Variants in CAMK1D observed in about 807,000 individuals in gnomAD.
CAMK1D encodes calcium/calmodulin dependent protein kinase ID, also known as calcium/calmodulin-dependent protein kinase type 1D.
In CAMK1D, 9 loss-of-function variants were observed where a neutral mutation model predicts 47.7. The ratio of observed to expected loss-of-function variants is 0.19; its 90% CI spans 0.11 to 0.33. The LOEUF (loss-of-function observed/expected upper bound fraction) is 0.33, where lower values mean the gene tolerates loss of function less well. Among genes scored for constraint, CAMK1D ranks in the 10% least tolerant of loss-of-function variants. The probability of loss-of-function intolerance (pLI) is 1.00; values close to 1 mark genes in which losing one functional copy is unlikely to be tolerated. For missense variants in CAMK1D, 291 were observed against 488.7 expected, an observed-to-expected ratio of 0.60 and a Z score of 3.81; for synonymous variants, 184 against 184.9, an observed-to-expected ratio of 0.99 and a Z score of 0.04.
Position 12,658,455 on chromosome 10 carries a change from G to A in CAMK1D, c.225-8281G>A, listed in dbSNP as rs187927859. Reference sequence around the variant, plus strand: ...GGGGGCAGGGAAGTGCTTGGGAAAGGGAAAGTCATGGTCCATGCCTAGTGC... The same window carrying A: ...GGGGGCAGGGAAGTGCTTGGGAAAGAGAAAGTCATGGTCCATGCCTAGTGC... On this transcript the variant is annotated intron_variant, in intron 2 of 10. Transcript: ENST00000619168. Among the ~76,000 whole-genome samples the A allele has an allele frequency of 3.9e-3, 588 of 152,146 alleles. 7 individuals carry two copies. The highest frequency in any genetic ancestry group is 0.013 in the African/African-American group (542 of 41,492).
rs951761625 is a variant in CAMK1D, at chr10:12,364,241, T to C, written c.92+14331T>C. Among the ~76,000 whole-genome samples, 169 of 142,234 alleles carry C rather than the reference T, an allele frequency of 1.2e-3. 2 individuals are homozygous for C. The highest frequency in any genetic ancestry group is 4.0e-3 in the African/African-American group (154 of 38,376). 93.3% of individuals were successfully genotyped at this position (142,234 alleles called of 152,430 possible). A position where few individuals can be genotyped will look rare whatever the true frequency, so the allele number is the denominator to read the frequency against. On this transcript the variant is annotated intron_variant, in intron 1 of 10. Transcript: ENST00000619168. ...CTTGACTCCAATGCGCATTCTCTTT[T>C]TTTTTTTTTTTTTTTTTTGAGATGG...
intron 3 of CAMK1D, among the ~76,000 whole-genome samples, chr10:12,699,786 C>T (rs1435820661): frequency 2.0e-5 from 3 of 152,114 alleles, no homozygotes; most frequent in African/African-American, 7.2e-5. Context: ...GGGGCATTGT[C>T]CACATAAACT....
At chr10:12,417,569 G>A (rs1377182034) in intron 1 of CAMK1D, among the ~76,000 whole-genome samples, 2 of 152,158 alleles carry the variant, frequency 1.3e-5, no homozygotes, top group East Asian at 1.9e-4. Flanking sequence ...TTGGCCCTGG[G>A]CTGTTGGCCT....
Position 12,354,431 on chromosome 10 carries a change from CTT to C in CAMK1D, c.92+4533_92+4534del, listed in dbSNP as rs1011144147. Among the ~76,000 whole-genome samples, 227 of 142,930 alleles carry C rather than the reference CTT, an allele frequency of 1.6e-3. 3 individuals carry two copies. The highest frequency in any genetic ancestry group is 4.6e-3 in the Admixed American group (65 of 14,228). The allele number at this position is 142,930 out of a possible 152,430, so 93.8% of individuals were successfully genotyped here. On this transcript the variant is annotated intron_variant, in intron 1 of 10. Coordinates refer to ENST00000619168, the MANE Select transcript of CAMK1D (RefSeq NM_153498.4). ...ACATGAGATAATTTTCTTTTCTTTTCTTTTTTTTTTTTTGAGATAGAGTCTTG... is the reference window on the plus strand; with the variant it reads ...ACATGAGATAATTTTCTTTTCTTTTCTTTTTTTTTTTGAGATAGAGTCTTG...
chr10:12,799,375 C>G (rs372356559), intron 6 of CAMK1D, among the ~76,000 whole-genome samples: 3 of 151,680 alleles, frequency 2.0e-5, no homozygotes, highest in East Asian at 3.9e-4. Flanking sequence ...TATGCAGATG[C>G]GTAACTGCTT....
chr10:12,769,162 G>T (rs2130929321), intron 4 of CAMK1D, among the ~76,000 whole-genome samples: 1 of 152,278 alleles, frequency 6.6e-6, no homozygotes, highest in East Asian at 1.9e-4. Context: ...TGCTTTCCTG[G>T]CAGGGGAGCG....
intron 3 of CAMK1D, among the ~76,000 whole-genome samples, chr10:12,744,745 A>T (rs1231216879): frequency 4.2e-5 from 5 of 119,132 alleles, no homozygotes; most frequent in African/African-American, 3.2e-4. Flanking sequence ...AAAATTAAAA[A>T]AAAAAAAAAG....
chr10:12,727,229 C>G (rs1309745144), intron 3 of CAMK1D, among the ~76,000 whole-genome samples: 2 of 152,188 alleles, frequency 1.3e-5, no homozygotes, highest in Non-Finnish European at 2.9e-5. Flanking sequence ...CTTCTGAAGA[C>G]TTTTTAAAAC....
At chr10:12,682,575 T>C (rs868242086) in intron 3 of CAMK1D, among the ~76,000 whole-genome samples, 2 of 152,184 alleles carry the variant, frequency 1.3e-5, no homozygotes, top group African/African-American at 4.8e-5. Context: ...ATTGCAGCAG[T>C]TGTAGAGAGA....
intron 8 of CAMK1D, among the ~76,000 whole-genome samples, chr10:12,818,831 G>A (rs1396421595): frequency 2.0e-5 from 3 of 152,224 alleles, no homozygotes; most frequent in African/African-American, 7.2e-5. Context: ...GCTTGGGGGA[G>A]AAGGAAAGAA....
chr10:12,726,666 A>T (rs1834655773), intron 3 of CAMK1D, among the ~76,000 whole-genome samples: 2 of 152,222 alleles, frequency 1.3e-5, no homozygotes, highest in African/African-American at 4.8e-5. Context: ...AGAATTCATT[A>T]AATTCTCACA....
chr10:12,676,413 C>G (rs1280143178), intron 3 of CAMK1D, among the ~76,000 whole-genome samples: 2 of 152,208 alleles, frequency 1.3e-5, no homozygotes, highest in Non-Finnish European at 2.9e-5. Flanking sequence ...ATCCCTCTCC[C>G]CAACTTTCTT....
chr10:12,438,466 T>G (rs2132006149), intron 1 of CAMK1D, among the ~76,000 whole-genome samples: 1 of 152,344 alleles, frequency 6.6e-6, no homozygotes, highest in South Asian at 2.1e-4. Context: ...TTAAGAAGAT[T>G]CTAAGAAAAC....
At chr10:12,801,354 TTATCTATCTATC>T (rs56165416) in intron 6 of CAMK1D, among the ~76,000 whole-genome samples, 5 of 66,490 alleles carry the variant, frequency 7.5e-5, no homozygotes, top group African/African-American at 2.9e-4. Context: ...TCTATCTATC[TTATCTATCTATC>T]TATCTATCTA....
chr10:12,500,272 CACAAA>C (rs1834661116), intron 1 of CAMK1D, among the ~76,000 whole-genome samples: 1 of 152,210 alleles, frequency 6.6e-6, no homozygotes, highest in East Asian at 1.9e-4. Flanking sequence ...GTTTCAAAAA[CACAAA>C]ACAAAAACAA....
intron 2 of CAMK1D, among the ~76,000 whole-genome samples, chr10:12,644,156 G>A (rs1421093740): frequency 6.6e-6 from 1 of 152,176 alleles, no homozygotes; most frequent in Non-Finnish European, 1.5e-5. Flanking sequence ...ACCAGTTTCT[G>A]ATCCCAGAAA....
intron 2 of CAMK1D, among the ~76,000 whole-genome samples, chr10:12,590,675 A>G (rs999959479): frequency 2.6e-5 from 4 of 152,264 alleles, no homozygotes; most frequent in African/African-American, 9.6e-5. Context: ...AATGAATTAT[A>G]TGTATCTAAC....
At chr10:12,744,345 A>G (rs1033546396) in intron 3 of CAMK1D, among the ~76,000 whole-genome samples, 2 of 152,180 alleles carry the variant, frequency 1.3e-5, no homozygotes, top group Non-Finnish European at 2.9e-5. Flanking sequence ...ATACCTAAGG[A>G]ATGAAATTGC....
intron 6 of CAMK1D, among the ~76,000 whole-genome samples, chr10:12,804,777 A>G (rs1838644327): frequency 6.7e-6 from 1 of 150,170 alleles, no homozygotes; most frequent in Non-Finnish European, 1.5e-5. Flanking sequence ...GTACCAAAAA[A>G]AAAAAAAAAA....
Sources: gnomAD v4.1 joint callset for allele counts (sites outside exome capture counted in the v4.1 genomes callset) on GRCh38, gnomAD v4.1.1 for gene constraint, MANE v1.5 for transcripts, NCBI Gene and HGNC (gene_info 2026-07-23, HGNC 2026-07-21) for gene names.